Variants in OCA2 observed in about 807,000 individuals in gnomAD.
OCA2 encodes the protein P protein.
A neutral mutation model predicts 100.2 loss-of-function variants in OCA2; 77 were observed. The ratio of observed to expected loss-of-function variants is 0.77; its 90% CI spans 0.64 to 0.93. OCA2 has a LOEUF of 0.93. OCA2 is among the 40% of genes least tolerant of loss of function. The pLI, the probability that OCA2 is intolerant of heterozygous loss-of-function variation, is 0.00. For missense variants in OCA2, 1,062 were observed against 1,089.1 expected, an observed-to-expected ratio of 0.98 and a Z score of 0.35; for synonymous variants, 432 against 439.2, an observed-to-expected ratio of 0.98 and a Z score of 0.21.
chr15:28,076,003 T>G (rs1386302367), intron 2 of OCA2, among the ~76,000 whole-genome samples: 2 of 152,212 alleles, frequency 1.3e-5, no homozygotes, highest in Non-Finnish European at 2.9e-5. Context: ...CCATTTCTGG[T>G]GAAATTATAC....
chr15:27,809,723 G>A (rs1420636198), intron 23 of OCA2, among the ~76,000 whole-genome samples: 1 of 152,090 alleles, frequency 6.6e-6, no homozygotes, highest in Non-Finnish European at 1.5e-5. Flanking sequence ...CACCAATAAC[G>A]ACCAAGCTAA....
chr15:28,076,576 G>A (rs915603701), intron 2 of OCA2, among the ~76,000 whole-genome samples: 4 of 152,154 alleles, frequency 2.6e-5, no homozygotes, highest in African/African-American at 4.8e-5. Flanking sequence ...GGCCGGGCGC[G>A]GTGGCTCACA....
intron 19 of OCA2, among the ~76,000 whole-genome samples, chr15:27,903,800 A>G (rs932862945): frequency 6.6e-6 from 1 of 152,242 alleles, no homozygotes; most frequent in Non-Finnish European, 1.5e-5. Flanking sequence ...TAATATCTGC[A>G]TAGCATTTCT....
chr15:28,014,717 ATC>A, intron 9 of OCA2, 57 bp downstream of exon 9: 1 of 1,584,972 alleles, frequency 6.3e-7, no homozygotes, highest in African/African-American at 1.3e-5. Context: ...TGTCTCACGG[ATC>A]TCAAGCCTCC....
At chr15:27,786,107 G>A (rs1041322346) in intron 23 of OCA2, among the ~76,000 whole-genome samples, 5 of 152,128 alleles carry the variant, frequency 3.3e-5, no homozygotes, top group South Asian at 2.1e-4. Flanking sequence ...TTCCAGCACC[G>A]TTTGTTTAAA....
intron 1 of OCA2, among the ~76,000 whole-genome samples, chr15:28,095,076 C>A (rs1485412092): frequency 6.6e-6 from 1 of 152,244 alleles, no homozygotes; most frequent in African/African-American, 2.4e-5. Flanking sequence ...GCGGTGCTGC[C>A]GGCGCTCAAG....
intron 21 of OCA2, among the ~76,000 whole-genome samples, chr15:27,870,195 A>G (rs923273487): frequency 2.6e-5 from 4 of 152,082 alleles, no homozygotes; most frequent in African/African-American, 9.7e-5. Context: ...GGGCGGTGGG[A>G]TGTCTTGGGA....
intron 21 of OCA2, among the ~76,000 whole-genome samples, chr15:27,864,118 C>G (rs1256717585): frequency 6.6e-6 from 1 of 152,118 alleles, no homozygotes; most frequent in African/African-American, 2.4e-5. Flanking sequence ...CATTGTGCAC[C>G]TGTCCGGGGC....
chr15:27,857,879 G>C (rs1221078353), intron 21 of OCA2, among the ~76,000 whole-genome samples: 1 of 152,084 alleles, frequency 6.6e-6, no homozygotes, highest in African/African-American at 2.4e-5. Context: ...AACTAATTTG[G>C]TATTATTCAT....
intron 23 of OCA2, among the ~76,000 whole-genome samples, chr15:27,757,554 A>G (rs2030482550): frequency 1.3e-5 from 2 of 152,232 alleles, no homozygotes; most frequent in African/African-American, 2.4e-5. Context: ...CCCAACAGAG[A>G]CAGGTACCAC....
chr15:27,966,240 G>A (rs2040563044), intron 15 of OCA2, among the ~76,000 whole-genome samples: 2 of 152,232 alleles, frequency 1.3e-5, no homozygotes, highest in African/African-American at 4.8e-5. Context: ...CTCCCAAAGT[G>A]CTGGGATTAC....
chr15:28,019,880 CT>C, intron 6 of OCA2, among the ~76,000 whole-genome samples: 1 of 152,320 alleles, frequency 6.6e-6, no homozygotes, highest in East Asian at 1.9e-4. Flanking sequence ...CAAAGCTCAG[CT>C]TTCACAAAGA....
chr15:27,797,348 ATAGAGCACAAACC>A (rs2033388009), intron 23 of OCA2, among the ~76,000 whole-genome samples: 1 of 152,154 alleles, frequency 6.6e-6, no homozygotes, highest in Non-Finnish European at 1.5e-5. Context: ...GGCTGATTTT[ATAGAGCACAAACC>A]GTACCCTCCA....
rs1170357474 is a variant in OCA2 at position 27,786,231 on chromosome 15, GTTC to G, written c.2433-30762_2433-30760del. 3.3e-5 allele frequency among the ~76,000 whole-genome samples: 5 copies of G among 152,068 alleles called. No homozygotes were observed. The East Asian group carries it at 9.6e-4, about 29-fold the overall frequency. ...AGGAAAGTGTAAGCCCTACACCTTT[GTTC>G]TTCTTCAAGATGTTTGAGCTATTCT... On this transcript the variant is annotated intron_variant, in intron 23 of 23. Transcript: ENST00000354638.
At chr15:27,960,197 C>T (rs1177007593) in intron 15 of OCA2, among the ~76,000 whole-genome samples, 1 of 152,188 alleles carries the variant, frequency 6.6e-6, no homozygotes, top group Non-Finnish European at 1.5e-5. Context: ...TGCAATTGCT[C>T]TTCCAGGTAC....
intron 19 of OCA2, among the ~76,000 whole-genome samples, chr15:27,893,563 C>T (rs1413638774): frequency 6.6e-6 from 1 of 152,032 alleles, no homozygotes; most frequent in Non-Finnish European, 1.5e-5. Flanking sequence ...TATTAATACC[C>T]TGGGAAAGGA....
chr15:28,001,674 G>A (rs1355931157), intron 9 of OCA2, among the ~76,000 whole-genome samples: 3 of 151,966 alleles, frequency 2.0e-5, no homozygotes, highest in Admixed American at 6.5e-5. Context: ...ACTTCCAAAT[G>A]ACTTGGACAC....
intron 19 of OCA2, among the ~76,000 whole-genome samples, chr15:27,893,345 C>T (rs148226413): frequency 0.016 from 2,359 of 152,162 alleles, 52 homozygotes; most frequent in African/African-American, 0.05. Flanking sequence ...TTGTAAAACA[C>T]GTGTGTTTGA....
intron 23 of OCA2, among the ~76,000 whole-genome samples, chr15:27,778,211 C>T (rs1449340209): frequency 1.3e-5 from 2 of 152,208 alleles, no homozygotes; most frequent in Non-Finnish European, 2.9e-5. Context: ...CTTTTGCTGA[C>T]TGTGAAACCA....
Sources: allele counts gnomAD v4.1 joint callset (sites outside exome capture counted in the v4.1 genomes callset), GRCh38; gene constraint gnomAD v4.1.1; transcripts MANE v1.5; gene names NCBI Gene and HGNC (gene_info 2026-07-23, HGNC 2026-07-21).